Variants in TMEM62 observed in about 807,000 individuals in gnomAD.
The protein encoded by TMEM62 is transmembrane protein 62.
Under a neutral mutation model 70.4 loss-of-function variants are expected in TMEM62, and 41 were observed. The observed-to-expected ratio is 0.58, with a 90% CI of 0.45 to 0.76. The LOEUF is 0.76. Among genes scored for constraint, TMEM62 ranks in the 30% least tolerant of loss-of-function variants. TMEM62 has a pLI of 0.00. For synonymous variants in TMEM62, 268 were observed against 291.0 expected (o/e 0.92, Z 0.80); for missense variants, 688 against 788.5 (o/e 0.87, Z 1.53).
intron 3 of TMEM62, 77 bp from the exon 4 acceptor site, chr15:43,138,497 C>A: frequency 1.7e-6 from 2 of 1,162,560 alleles, no homozygotes; most frequent in South Asian, 2.6e-5. Flanking sequence ...ATTATTTTCC[C>A]TTAGTCATTA....
At chr15:43,146,090 G>A (rs1183260319) in intron 4 of TMEM62, 1 of 155,582 alleles carries the variant, frequency 6.4e-6, no homozygotes, top group Non-Finnish European at 1.4e-5. Context: ...TTAAGCCTCT[G>A]TAGTCCTGTT....
intron 12 of TMEM62, chr15:43,180,019 C>T (rs182201846): frequency 6.6e-6 from 1 of 152,160 alleles, no homozygotes; most frequent in African/African-American, 2.4e-5. Context: ...GACAAAACAC[C>T]TTTTTAGACT....
At chr15:43,179,662 T>G (rs1457370456) in intron 12 of TMEM62, 1 of 152,222 alleles carries the variant, frequency 6.6e-6, no homozygotes, top group African/African-American at 2.4e-5. Flanking sequence ...CTTTTAGGCT[T>G]TTTTGCTTAT....
chr15:43,142,658 G>A (rs1013506677), intron 4 of TMEM62, among the ~76,000 whole-genome samples: 1 of 151,608 alleles, frequency 6.6e-6, no homozygotes, highest in Non-Finnish European at 1.5e-5. Context: ...TTAGCAGTAA[G>A]GTTTTTTTTT....
Position 43,163,785 on chromosome 15 carries a change from A to AC in TMEM62, c.1296+2991_1296+2992insC, listed in dbSNP as rs144925720. On this transcript the variant is annotated intron_variant, in intron 10 of 13. Coordinates refer to ENST00000260403, the MANE Select transcript of TMEM62 (RefSeq NM_024956.4). ...TGACAGAGCGAGACTCCGTCTCAAA[A>AC]AAAAAACAAAAAACAAAAAAACAGG... Among the ~76,000 whole-genome samples the AC allele has an allele frequency of 6.9e-4, 104 of 151,632 alleles. 1 individual carries two copies. Among genetic ancestry groups the AC allele is most frequent in the Non-Finnish European group, 8.0e-4 (54 of 67,842 alleles).
At chr15:43,133,545 C>G (rs1238722213), upstream of TMEM62, 1 of 346,420 alleles carries the variant, frequency 2.9e-6, no homozygotes, top group Non-Finnish European at 5.2e-6. Context: ...TTTCGGTTCT[C>G]TTTTCTGTGA....
chr15:43,183,301 C>G (rs2041544980), intron 13 of TMEM62, among the ~76,000 whole-genome samples: 1 of 152,136 alleles, frequency 6.6e-6, no homozygotes, highest in Admixed American at 6.5e-5. Context: ...ATATTCTTGC[C>G]TCCTTACTCT....
intron 11 of TMEM62, among the ~76,000 whole-genome samples, chr15:43,175,845 C>A (rs1387485148): frequency 6.6e-6 from 1 of 152,174 alleles, no homozygotes; most frequent in South Asian, 2.1e-4. Flanking sequence ...GACAGTGGGT[C>A]CAGCGCACCG....
chr15:43,142,252 G>A (rs533042476), intron 4 of TMEM62, among the ~76,000 whole-genome samples: 6 of 143,770 alleles, frequency 4.2e-5, no homozygotes, highest in South Asian at 2.2e-4. Context: ...TGCAACCTCC[G>A]CCTCCCGGGT....
intron 5 of TMEM62, among the ~76,000 whole-genome samples, chr15:43,147,901 C>T (rs2141637391): frequency 6.6e-6 from 1 of 152,210 alleles, no homozygotes; most frequent in Middle Eastern, 3.4e-3. Context: ...AAATGTATTG[C>T]TGTAAGCACC....
At chr15:43,159,391 T>G (rs962871229) in intron 9 of TMEM62, among the ~76,000 whole-genome samples, 16 of 152,198 alleles carry the variant, frequency 1.1e-4, no homozygotes, top group African/African-American at 3.9e-4. Flanking sequence ...CAATGCCCCC[T>G]TACTACCCTT....
intron 8 of TMEM62, among the ~76,000 whole-genome samples, chr15:43,153,224 T>C (rs2037618902): frequency 6.6e-6 from 1 of 152,118 alleles, no homozygotes; most frequent in African/African-American, 2.4e-5. Flanking sequence ...CCTTTTTTTT[T>C]GGAGCTAAAA....
At chr15:43,146,327 A>G in intron 4 of TMEM62, 166 bp from the exon 5 acceptor site, 2 of 612,354 alleles carry the variant, frequency 3.3e-6, no homozygotes, top group Non-Finnish European at 5.4e-6. Context: ...TGGGAGAAAA[A>G]CTTTGAAATT....
chr15:43,175,858 C>A lies in TMEM62; in HGVS notation c.1382-2749C>A, dbSNP rs564950059. On this transcript the variant is annotated intron_variant, in intron 11 of 13. Transcript: ENST00000260403. ...AGGACAGTGGGTCCAGCGCACCGTGCGTGAGCCGAAGCAGGGCGAGGCATT... is the reference window on the plus strand; with the variant it reads ...AGGACAGTGGGTCCAGCGCACCGTGAGTGAGCCGAAGCAGGGCGAGGCATT... Among the ~76,000 whole-genome samples the A allele has an allele frequency of 5.9e-5, 9 of 152,292 alleles. No individual in the cohort carries two copies. In the South Asian group the frequency reaches 1.9e-3, roughly 32 times the overall value.
intron 3 of TMEM62, among the ~76,000 whole-genome samples, chr15:43,137,087 C>T (rs1037451726): frequency 4.6e-5 from 7 of 152,126 alleles, no homozygotes; most frequent in African/African-American, 1.7e-4. Flanking sequence ...TCTCCATAGG[C>T]ATGAACAGGG....
At chr15:43,141,118 C>T (rs2035946637) in intron 4 of TMEM62, among the ~76,000 whole-genome samples, 1 of 152,210 alleles carries the variant, frequency 6.6e-6, no homozygotes, top group Non-Finnish European at 1.5e-5. Context: ...TCTCTGGGTG[C>T]CCCATCTCAT....
chr15:43,142,977 G>GC (rs2036243183), intron 4 of TMEM62, among the ~76,000 whole-genome samples: 1 of 152,114 alleles, frequency 6.6e-6, no homozygotes, highest in Non-Finnish European at 1.5e-5. Flanking sequence ...GTCAGTAGAA[G>GC]TATTTATAAA....
chr15:43,183,945 A>ATG, intron 13 of TMEM62: 1 of 295,742 alleles, frequency 3.4e-6, no homozygotes, highest in Non-Finnish European at 6.2e-6. Context: ...GGGTTGTTGT[A>ATG]TGTGTGTGTA....
intron 3 of TMEM62, 183 bp downstream of exon 3, chr15:43,135,832 G>C (rs1010203561): frequency 8.5e-5 from 50 of 590,908 alleles, no homozygotes; most frequent in Non-Finnish European, 1.3e-4. Context: ...TAGCCTTTGA[G>C]ATGACAATTG....
Sources: allele counts gnomAD v4.1 joint callset (sites outside exome capture counted in the v4.1 genomes callset), GRCh38; gene constraint gnomAD v4.1.1; transcripts MANE v1.5; gene names NCBI Gene and HGNC (gene_info 2026-07-23, HGNC 2026-07-21).